The following MTUS1 variants were observed in gnomAD, a reference collection of about 807,000 sequenced individuals.
MTUS1 encodes the protein microtubule-associated tumor suppressor 1.
MTUS1 carries 109 observed loss-of-function variants against 120.8 expected under a neutral mutation model. The observed-to-expected ratio is 0.90, with a 90% confidence interval of 0.77 to 1.06. MTUS1 has a LOEUF of 1.06. Ranked by LOEUF, MTUS1 falls within the 50% of genes least tolerant of loss-of-function variation. MTUS1 has a pLI of 0.00. For synonymous variants in MTUS1, 737 were observed against 550.5 expected (o/e 1.34, Z -4.74); for missense variants, 2,210 against 1,486.3 (o/e 1.49, Z -8.01).
At chr8:17,700,338 C>G (rs1301431857) in intron 6 of MTUS1, among the ~76,000 whole-genome samples, 1 of 151,772 alleles carries the variant, frequency 6.6e-6, no homozygotes, top group Non-Finnish European at 1.5e-5. Flanking sequence ...GGCATGGTGA[C>G]AGGGGCCTGT....
intron 8 of MTUS1, among the ~76,000 whole-genome samples, chr8:17,664,253 C>G (rs1393062408): frequency 1.3e-5 from 2 of 152,050 alleles, no homozygotes; most frequent in African/African-American, 4.8e-5. Flanking sequence ...ATAGAATTTT[C>G]CTAATTTGGA....
intron 8 of MTUS1, among the ~76,000 whole-genome samples, chr8:17,658,582 G>A (rs1245725507): frequency 6.6e-6 from 1 of 152,158 alleles, no homozygotes; most frequent in African/African-American, 2.4e-5. Flanking sequence ...CATCCCCAGA[G>A]TACTCGTGGA....
intron 5 of MTUS1, 53 bp from the exon 6 acceptor site, chr8:17,713,305 A>G (rs1563250853): frequency 9.9e-7 from 1 of 1,008,602 alleles, no homozygotes; most frequent in African/African-American, 1.6e-5. Flanking sequence ...GACATATCAC[A>G]TAAAAACAAA....
At chr8:17,726,886 CT>C (rs1217079549) in intron 3 of MTUS1, among the ~76,000 whole-genome samples, 1 of 152,208 alleles carries the variant, frequency 6.6e-6, no homozygotes, top group Non-Finnish European at 1.5e-5. Context: ...GCAGCCAAGG[CT>C]TCCTACATTT....
chr8:17,675,388 G>A, intron 7 of MTUS1, 136 bp from the exon 8 acceptor site: 1 of 653,796 alleles, frequency 1.5e-6, no homozygotes, highest in South Asian at 2.7e-5. Context: ...AACAATTTGT[G>A]TTGTTAAAAG....
At chr8:17,788,893 C>G (rs1006426338) in intron 1 of MTUS1, among the ~76,000 whole-genome samples, 6 of 152,124 alleles carry the variant, frequency 3.9e-5, no homozygotes, top group African/African-American at 1.4e-4. Context: ...AAAGTATTTA[C>G]TTTTATACAA....
In MTUS1 at chr8:17,753,705, T is replaced by C. The variant is rs1426211562; in HGVS notation, c.2091+12A>G. 2 of 1,548,766 alleles carry C rather than the reference T, an allele frequency of 1.3e-6. No individual in the cohort carries two copies. Among genetic ancestry groups the C allele is most frequent in the Non-Finnish European group, 1.8e-6 (2 of 1,141,654 alleles). On this transcript the variant is annotated intron_variant, in intron 2 of 14. Transcript: ENST00000693296. The stretch of plus-strand genomic sequence containing the variant: ...CTCTGAAGCATGCAAAAAATATATA[T>C]ATATTACTTACCAAAAACAGAGAAC...
At chr8:17,685,525 C>G (rs539495770) in intron 6 of MTUS1, among the ~76,000 whole-genome samples, 5 of 152,056 alleles carry the variant, frequency 3.3e-5, no homozygotes, top group Admixed American at 3.3e-4. Flanking sequence ...ATTACAGCAT[C>G]CACGTTCTGT....
intron 1 of MTUS1, among the ~76,000 whole-genome samples, chr8:17,769,656 G>C (rs947825292): frequency 5.3e-5 from 8 of 152,056 alleles, no homozygotes; most frequent in African/African-American, 1.9e-4. Flanking sequence ...CCCTTAGTCA[G>C]TAATCTTAAT....
chr8:17,739,887 G>A (rs1014736165), intron 3 of MTUS1, among the ~76,000 whole-genome samples: 1 of 152,106 alleles, frequency 6.6e-6, no homozygotes, highest in African/African-American at 2.4e-5. Context: ...TTTAGATTTG[G>A]TTTGTTATAA....
chr8:17,699,435 GA>G, intron 6 of MTUS1, among the ~76,000 whole-genome samples: 1 of 152,054 alleles, frequency 6.6e-6, no homozygotes, highest in East Asian at 1.9e-4. Flanking sequence ...GGCTCGTCTC[GA>G]ACTCCTGACC....
At chr8:17,685,449 T>C (rs1815574844) in intron 6 of MTUS1, among the ~76,000 whole-genome samples, 1 of 150,900 alleles carries the variant, frequency 6.6e-6, no homozygotes, top group Non-Finnish European at 1.5e-5. Flanking sequence ...CAAACAAATG[T>C]AAATCTGGAA....
At chr8:17,766,371 A>T (rs1459352658) in intron 1 of MTUS1, among the ~76,000 whole-genome samples, 1 of 152,366 alleles carries the variant, frequency 6.6e-6, no homozygotes, top group South Asian at 2.1e-4. Context: ...CAAAGGCCAC[A>T]TACAAGTCTC....
chr8:17,731,617 G>C (rs373495774), intron 3 of MTUS1, among the ~76,000 whole-genome samples: 28 of 151,668 alleles, frequency 1.8e-4, no homozygotes, highest in East Asian at 1.2e-3. Context: ...AAAGTTAAAG[G>C]AAACAATGTA....
At chr8:17,789,352 T>G (rs938873082) in intron 1 of MTUS1, among the ~76,000 whole-genome samples, 12 of 152,158 alleles carry the variant, frequency 7.9e-5, no homozygotes, top group Admixed American at 7.2e-4. Context: ...TTAAATTATA[T>G]GCAGTTAGTT....
At chr8:17,792,023 T>C (rs1330338712) in intron 1 of MTUS1, among the ~76,000 whole-genome samples, 2 of 152,142 alleles carry the variant, frequency 1.3e-5, no homozygotes, top group East Asian at 1.9e-4. Context: ...ACATGGCTAA[T>C]AGGAAAATCT....
chr8:17,644,321 G>T lies in MTUS1; in HGVS notation c.*1605C>A, dbSNP rs1260339202. The T allele has an allele frequency of 6.6e-6, 1 of 152,660 alleles. No individual in the cohort carries two copies. Among genetic ancestry groups the T allele is most frequent in the Admixed American group, 6.5e-5 (1 of 15,286 alleles). The allele number at this position is 152,660 out of a possible 1,614,324, so 9.5% of individuals were successfully genotyped here. A position where few individuals can be genotyped will look rare whatever the true frequency, so the allele number is the denominator to read the frequency against. On this transcript the variant is annotated 3_prime_UTR_variant, in exon 15 of 15. Transcript: ENST00000693296. Reference sequence around the variant, plus strand: ...TATCAACTTGCTATGTAGTGTACATGTAAATGACCCAAATATTCACCTCTA... The same window carrying T: ...TATCAACTTGCTATGTAGTGTACATTTAAATGACCCAAATATTCACCTCTA...
intron 4 of MTUS1, among the ~76,000 whole-genome samples, chr8:17,716,123 G>A (rs1486068157): frequency 6.6e-6 from 1 of 152,110 alleles, no homozygotes; most frequent in East Asian, 1.9e-4. Flanking sequence ...TGGTTAGCCT[G>A]GCACAGTCCA....
intron 1 of MTUS1, among the ~76,000 whole-genome samples, chr8:17,772,760 T>C (rs1225442181): frequency 6.6e-6 from 1 of 152,170 alleles, no homozygotes; most frequent in Admixed American, 6.5e-5. Context: ...CATCACTTTG[T>C]AAACAGCCAG....
Sources: allele counts gnomAD v4.1 joint callset (sites outside exome capture counted in the v4.1 genomes callset), GRCh38; gene constraint gnomAD v4.1.1; transcripts MANE v1.5; gene names NCBI Gene and HGNC (gene_info 2026-07-23, HGNC 2026-07-21).